Variants in MYCBP2 observed in about 807,000 individuals in gnomAD.
MYCBP2 encodes E3 ubiquitin-protein ligase MYCBP2.
In MYCBP2, 120 loss-of-function variants were observed where a neutral mutation model predicts 525.3. The ratio of observed to expected loss-of-function variants is 0.23; its 90% CI spans 0.20 to 0.27. The LOEUF (loss-of-function observed/expected upper bound fraction) is 0.27. Ranked by LOEUF, MYCBP2 falls within the 10% of genes least tolerant of loss-of-function variation. The pLI is 1.00. For synonymous variants in MYCBP2, 1,894 were observed against 1,955.8 expected (o/e 0.97, Z 0.83); for missense variants, 4,149 against 5,657.1 (o/e 0.73, Z 8.55).
At chr13:77,182,008 T>A (rs1021113423) in intron 32 of MYCBP2, 86 bp from the exon 33 acceptor site, 2 of 1,020,322 alleles carry the variant, frequency 2.0e-6, no homozygotes, top group Non-Finnish European at 2.8e-6. Flanking sequence ...AGGTAAACCA[T>A]CTTTTAAATT....
At chr13:77,202,290 G>C (rs1014577086) in intron 26 of MYCBP2, among the ~76,000 whole-genome samples, 19 of 152,178 alleles carry the variant, frequency 1.2e-4, no homozygotes, top group African/African-American at 2.4e-5. Flanking sequence ...AGAAAATCTA[G>C]AAGAAATGGA....
At chr13:77,070,495 C>G in intron 69 of MYCBP2, 136 bp downstream of exon 69, 1 of 524,476 alleles carries the variant, frequency 1.9e-6, no homozygotes, top group African/African-American at 1.9e-5. Context: ...TCTTTTTCTT[C>G]AAATATGGCC....
chr13:77,169,862 T>C (rs1365400891), intron 38 of MYCBP2, 148 bp from the exon 39 acceptor site: 5 of 679,224 alleles, frequency 7.4e-6, no homozygotes, highest in Non-Finnish European at 1.0e-5. Context: ...CTGGTACTAT[T>C]CTAAAGGCTT....
At chr13:77,280,260 G>A (rs2076053737) in intron 3 of MYCBP2, among the ~76,000 whole-genome samples, 2 of 152,192 alleles carry the variant, frequency 1.3e-5, no homozygotes, top group African/African-American at 4.8e-5. Flanking sequence ...TAACAGACTT[G>A]ATTATAGCTA....
chr13:77,174,044 A>G (rs904760151), intron 37 of MYCBP2, among the ~76,000 whole-genome samples: 1 of 152,254 alleles, frequency 6.6e-6, no homozygotes, highest in Non-Finnish European at 1.5e-5. Context: ...ATAGAGTGAC[A>G]GCAACAGCAC....
rs1277069351 is a variant in MYCBP2, at chr13:77,219,304, AT to A, written c.2940-1348del. ...AAGGAGACATACACCTAACCACTCG[AT>A]TTAGCAGAAGGAGGTCTCTTTGGTG... On this transcript the variant is annotated intron_variant, in intron 20 of 82. Coordinates refer to ENST00000544440, the MANE Select transcript of MYCBP2 (RefSeq NM_015057.5). Among the ~76,000 whole-genome samples the A allele has an allele frequency of 4.6e-5, 7 of 152,224 alleles. No homozygotes were observed. The East Asian group carries it at 1.2e-3, about 25-fold the overall frequency.
intron 2 of MYCBP2, among the ~76,000 whole-genome samples, chr13:77,295,595 C>T (rs1406156551): frequency 6.6e-6 from 1 of 152,142 alleles, no homozygotes; most frequent in Non-Finnish European, 1.5e-5. Flanking sequence ...GAAACAATTG[C>T]CTCTATAGTT....
At chr13:77,230,831 A>G (rs2067024521) in intron 18 of MYCBP2, among the ~76,000 whole-genome samples, 1 of 152,176 alleles carries the variant, frequency 6.6e-6, no homozygotes. Context: ...GTGTGCTGGG[A>G]CTGCAACCTG....
chr13:77,200,584 T>C (rs1275644764), intron 26 of MYCBP2, among the ~76,000 whole-genome samples: 1 of 152,096 alleles, frequency 6.6e-6, no homozygotes, highest in Non-Finnish European at 1.5e-5. Context: ...CCAAGGCACA[T>C]AATTGTCAGA....
In MYCBP2 at chr13:77,174,412, A is replaced by G; in HGVS notation, c.5550T>C (p.Val1850=). ...TANGDGGMTT[V]QCPDGVTFTF... ...TGAATGTCACACCATCAGGGCACTG[A>G]ACTGTGGTCATTCCTCCATCTCCAT... The change falls in exon 37 of 83, where the codon GTT becomes GTC. Residue 1850 remains valine (V), a synonymous_variant. Coordinates refer to ENST00000544440, the MANE Select transcript of MYCBP2 (RefSeq NM_015057.5). 6.2e-7 allele frequency: 1 copy of G among 1,614,156 alleles called. No homozygotes were observed. Among genetic ancestry groups the G allele is most frequent in the Non-Finnish European group, 8.5e-7 (1 of 1,180,024 alleles).
intron 28 of MYCBP2, among the ~76,000 whole-genome samples, 176 bp from the exon 29 acceptor site, chr13:77,190,511 A>C (rs2061199491): frequency 6.6e-6 from 1 of 152,182 alleles, no homozygotes; most frequent in Non-Finnish European, 1.5e-5. Context: ...TAGTCAGTAA[A>C]ATGAAAGAAC....
At chr13:77,246,668 G>A (rs192070196) in intron 15 of MYCBP2, among the ~76,000 whole-genome samples, 3 of 144,032 alleles carry the variant, frequency 2.1e-5, no homozygotes, top group African/African-American at 7.7e-5. Context: ...GGGGCAGGGG[G>A]AGGCAAAAAA....
At position 77,087,687 on chromosome 13, in the gene MYCBP2, G is replaced by GAGTTTAAAAAATAT. The variant is rs1566462511; in HGVS notation, c.10726-55_10726-54insATATTTTTTAAACT. 81 of 1,476,916 alleles carry GAGTTTAAAAAATAT rather than the reference G, an allele frequency of 5.5e-5. No homozygotes were observed. In the African/African-American group the frequency reaches 1.1e-3, roughly 20 times the overall value. 91.5% of individuals were successfully genotyped at this position (1,476,916 alleles called of 1,614,324 possible). ...AGAATAAAATACATGAGTTTAAAAA[G>GAGTTTAAAAAATAT]TACTCAGAAATAAAGTACCTCCATG... On this transcript the variant is annotated intron_variant, in intron 61 of 82. Coordinates refer to ENST00000544440, the MANE Select transcript of MYCBP2 (RefSeq NM_015057.5).
chr13:77,086,572 A>G (rs2044321841), intron 62 of MYCBP2, among the ~76,000 whole-genome samples: 1 of 152,108 alleles, frequency 6.6e-6, no homozygotes, highest in South Asian at 2.1e-4. Flanking sequence ...AACTCCAAGT[A>G]GGTAAGTTGT....
chr13:77,251,789 C>A (rs1440834004), intron 14 of MYCBP2, among the ~76,000 whole-genome samples: 1 of 152,180 alleles, frequency 6.6e-6, no homozygotes, highest in Non-Finnish European at 1.5e-5. Flanking sequence ...CCTCCAGTGA[C>A]CTTCCAAGGT....
intron 20 of MYCBP2, among the ~76,000 whole-genome samples, chr13:77,223,372 C>T (rs951612966): frequency 3.3e-5 from 5 of 152,138 alleles, no homozygotes; most frequent in African/African-American, 1.2e-4. Flanking sequence ...TCTCTTTCTC[C>T]TTTCATAGGG....
intron 35 of MYCBP2, among the ~76,000 whole-genome samples, chr13:77,177,408 T>C (rs1300742592): frequency 6.6e-6 from 1 of 150,736 alleles, no homozygotes; most frequent in East Asian, 1.9e-4. Flanking sequence ...GTGGCATGAT[T>C]ATGGCTCACT....
chr13:77,288,807 A>C (rs560374964), intron 2 of MYCBP2, among the ~76,000 whole-genome samples: 2 of 152,342 alleles, frequency 1.3e-5, no homozygotes, highest in South Asian at 2.1e-4. Context: ...AGAAGTTTAC[A>C]CAGAAATGAG....
chr13:77,189,377 A>T (rs2061071190), intron 29 of MYCBP2, among the ~76,000 whole-genome samples: 2 of 152,192 alleles, frequency 1.3e-5, no homozygotes, highest in African/African-American at 4.8e-5. Flanking sequence ...TTATTCAACC[A>T]GTGAGTACCT....
Sources: gnomAD v4.1 joint callset for allele counts (sites outside exome capture counted in the v4.1 genomes callset) on GRCh38, gnomAD v4.1.1 for gene constraint, MANE v1.5 for transcripts, NCBI Gene and HGNC (gene_info 2026-07-23, HGNC 2026-07-21) for gene names.